The following RIGI variants were observed in gnomAD, a reference collection of about 807,000 sequenced individuals.
RIGI encodes the protein antiviral innate immune response receptor RIG-I.
At chr9:32,479,476 T>C in the RIGI span, among the ~76,000 whole-genome samples, 1 of 152,192 alleles carries the variant, frequency 6.6e-6, no homozygotes, top group African/African-American at 2.4e-5. Context: ...TTTGTTTGTT[T>C]AATATCTATT....
At chr9:32,477,572 T>G in the RIGI span, among the ~76,000 whole-genome samples, 1 of 152,096 alleles carries the variant, frequency 6.6e-6, no homozygotes. Context: ...ATACCAAAAA[T>G]ATTTTAAGGT....
At chr9:32,494,306 G>A in the RIGI span, among the ~76,000 whole-genome samples, 1 of 152,124 alleles carries the variant, frequency 6.6e-6, no homozygotes, top group Non-Finnish European at 1.5e-5. Flanking sequence ...CTTCTCAGTG[G>A]AAAGCAGTAA....
chr9:32,464,579 C>T, the RIGI span, among the ~76,000 whole-genome samples: 1 of 152,082 alleles, frequency 6.6e-6, no homozygotes, highest in Non-Finnish European at 1.5e-5. Flanking sequence ...TTAGTAGAGA[C>T]GGGGTTTCAC....
chr9:32,488,759 A>G, the RIGI span: 2 of 1,610,082 alleles, frequency 1.2e-6, no homozygotes, highest in Non-Finnish European at 8.5e-7. Context: ...TATTTTGAGA[A>G]TACAGATTTC....
At chr9:32,475,906 C>A in the RIGI span, among the ~76,000 whole-genome samples, 2,291 of 152,188 alleles carry the variant, frequency 0.015, 29 homozygotes, top group Middle Eastern at 0.051. Context: ...AAGAAAATAT[C>A]TGCAAATCAC....
the RIGI span, chr9:32,489,418 T>G: frequency 1.2e-6 from 2 of 1,613,438 alleles, no homozygotes; most frequent in African/African-American, 1.3e-5. Context: ...ATTTCTTGGT[T>G]TAAATGGGCT....
the RIGI span, chr9:32,488,858 T>A: frequency 6.2e-7 from 1 of 1,610,700 alleles, no homozygotes; most frequent in Non-Finnish European, 8.5e-7. Flanking sequence ...TGTTCACATA[T>A]AAGCAGTGAA....
At chr9:32,494,078 T>C in the RIGI span, 122 of 674,174 alleles carry the variant, frequency 1.8e-4, no homozygotes, top group Non-Finnish European at 2.7e-4. Flanking sequence ...CCAATTGTCA[T>C]TGATTTTTCA....
the RIGI span, chr9:32,456,126 A>C: frequency 6.6e-6 from 1 of 152,222 alleles, no homozygotes; most frequent in Non-Finnish European, 1.5e-5. Context: ...AGACTGCCTC[A>C]TCTGTAACAT....
the RIGI span, among the ~76,000 whole-genome samples, chr9:32,494,351 C>T: frequency 6.6e-6 from 1 of 151,896 alleles, no homozygotes; most frequent in African/African-American, 2.4e-5. Flanking sequence ...TTAATTCCTG[C>T]CCACAAGGAA....
chr9:32,464,290 C>T, the RIGI span, among the ~76,000 whole-genome samples: 1 of 151,578 alleles, frequency 6.6e-6, no homozygotes, highest in Non-Finnish European at 1.5e-5. Flanking sequence ...AAACCCTTAT[C>T]AAAGCACCCA....
the RIGI span, chr9:32,485,527 GC>G: frequency 2.2e-6 from 1 of 464,762 alleles, no homozygotes; most frequent in African/African-American, 2.2e-5. Flanking sequence ...GGTCTAACTA[GC>G]TTCTTTTTTT....
At chr9:32,499,985 C>G in the RIGI span, among the ~76,000 whole-genome samples, 1 of 152,162 alleles carries the variant, frequency 6.6e-6, no homozygotes, top group Non-Finnish European at 1.5e-5. Flanking sequence ...CTCCTCCTTT[C>G]CCAGTAATCC....
the RIGI span, chr9:32,472,823 G>T: frequency 5.7e-6 from 2 of 352,472 alleles, no homozygotes; most frequent in Non-Finnish European, 4.6e-6. Flanking sequence ...GTTAAACCTT[G>T]ACTGATAGAA....
the RIGI span, among the ~76,000 whole-genome samples, chr9:32,482,142 C>T: frequency 6.6e-6 from 1 of 151,928 alleles, no homozygotes; most frequent in African/African-American, 2.4e-5. Context: ...TACCTCTTGC[C>T]TTGTTCCCTC....
the RIGI span, chr9:32,456,702 G>C: frequency 3.8e-5 from 6 of 159,276 alleles, no homozygotes; most frequent in Admixed American, 3.6e-4. Flanking sequence ...TTGGCAACCA[G>C]AGTCACTGGT....
the RIGI span, among the ~76,000 whole-genome samples, chr9:32,512,699 A>G: frequency 3.9e-5 from 6 of 152,316 alleles, no homozygotes; most frequent in African/African-American, 1.4e-4. Flanking sequence ...TATTCAACAT[A>G]CTGTTGGAAG....
At chr9:32,517,463 T>C in the RIGI span, among the ~76,000 whole-genome samples, 18 of 152,230 alleles carry the variant, frequency 1.2e-4, no homozygotes, top group Non-Finnish European at 2.5e-4. Flanking sequence ...AGAGTGCTCA[T>C]AAATTAAGTC....
chr9:32,466,105 A>G, the RIGI span, among the ~76,000 whole-genome samples: 2 of 152,234 alleles, frequency 1.3e-5, no homozygotes, highest in Non-Finnish European at 2.9e-5. Context: ...TTCAGTTATT[A>G]GCACTATTAA....
Sources: allele counts gnomAD v4.1 joint callset (sites outside exome capture counted in the v4.1 genomes callset), GRCh38; gene constraint gnomAD v4.1.1; transcripts MANE v1.5; gene names NCBI Gene and HGNC (gene_info 2026-07-23, HGNC 2026-07-21).